The following PRKG1 variants were observed in gnomAD, a reference collection of about 807,000 sequenced individuals.
PRKG1 encodes cGMP-dependent protein kinase 1.
PRKG1 carries 35 observed loss-of-function variants against 88.1 expected under a neutral mutation model. The ratio of observed to expected loss-of-function variants is 0.40; its 90% CI spans 0.30 to 0.53. PRKG1 has a LOEUF of 0.53. Ranked by LOEUF, PRKG1 falls within the 20% of genes least tolerant of loss-of-function variation. PRKG1 has a pLI of 0.59. For synonymous variants in PRKG1, 303 were observed against 292.5 expected, an observed-to-expected ratio of 1.04 and a Z score of -0.37; for missense variants, 540 against 839.8, an observed-to-expected ratio of 0.64 and a Z score of 4.41.
At chr10:52,166,732 T>C (rs1403138871) in intron 9 of PRKG1, among the ~76,000 whole-genome samples, 3 of 147,222 alleles carry the variant, frequency 2.0e-5, no homozygotes, top group African/African-American at 7.4e-5. Context: ...GATGTCTTAA[T>C]TGCTGAATAC....
At chr10:52,249,692 G>A (rs989391110) in intron 9 of PRKG1, among the ~76,000 whole-genome samples, 2 of 152,082 alleles carry the variant, frequency 1.3e-5, no homozygotes, top group South Asian at 2.1e-4. Context: ...GCGTAGTGAC[G>A]CACACGTGTA....
intron 4 of PRKG1, among the ~76,000 whole-genome samples, chr10:51,812,106 G>A (rs1481052314): frequency 6.6e-6 from 1 of 152,104 alleles, no homozygotes; most frequent in African/African-American, 2.4e-5. Context: ...TTATAACTAG[G>A]CTCAAACACA....
At chr10:51,129,665 T>G (rs1254192777) in intron 1 of PRKG1, among the ~76,000 whole-genome samples, 1 of 151,174 alleles carries the variant, frequency 6.6e-6, no homozygotes, top group Non-Finnish European at 1.5e-5. Flanking sequence ...TGACACAAAC[T>G]AGAGATCTAC....
chr10:51,693,818 T>C (rs893246607), intron 3 of PRKG1, among the ~76,000 whole-genome samples: 5 of 152,168 alleles, frequency 3.3e-5, no homozygotes, highest in African/African-American at 1.2e-4. Flanking sequence ...TAATTGGTAA[T>C]ATGAATATTT....
In PRKG1 at chr10:51,147,218, A is replaced by G. The variant is rs370006887; in HGVS notation, c.312-5946A>G. Among the ~76,000 whole-genome samples, 4 of 152,286 alleles carry G rather than the reference A, an allele frequency of 2.6e-5. No homozygotes were observed. In the East Asian group the frequency reaches 7.7e-4, roughly 29 times the overall value. On this transcript the variant is annotated intron_variant, in intron 1 of 17. Transcript: ENST00000373980. ...TAAGAGGAATAAGTTCCAGTGTTCT[A>G]TAGCACTGAAGGATGAATATAGTTA... is the stretch of plus-strand genomic sequence containing the variant.
intron 2 of PRKG1, among the ~76,000 whole-genome samples, chr10:51,193,173 A>T (rs1837673120): frequency 6.6e-6 from 1 of 152,016 alleles, no homozygotes; most frequent in African/African-American, 2.4e-5. Context: ...ATGGTAGAGA[A>T]GGAAGTCATG....
rs185531686 is a variant in PRKG1, at chr10:50,999,925, A to G, written c.266+8281A>G. On this transcript the variant is annotated intron_variant, in intron 1 of 17. Coordinates refer to the PRKG1 transcript ENST00000401604. Reference sequence around the variant, plus strand: ...AAGTAAAAACCTCAGCTTACCATACATTTCTCTTCCCACATGCTACTTTTC... The same window carrying G: ...AAGTAAAAACCTCAGCTTACCATACGTTTCTCTTCCCACATGCTACTTTTC... Among the ~76,000 whole-genome samples, 210 of 152,332 alleles carry G rather than the reference A, an allele frequency of 1.4e-3. 1 individual carries two copies. Among genetic ancestry groups the G allele is most frequent in the Middle Eastern group, 3.4e-3 (1 of 294 alleles).
At chr10:51,400,401 A>T (rs185995834) in intron 2 of PRKG1, among the ~76,000 whole-genome samples, 1 of 152,318 alleles carries the variant, frequency 6.6e-6, no homozygotes, top group East Asian at 1.9e-4. Flanking sequence ...CCTAAATGGC[A>T]AGAAGGAGCC....
At chr10:51,672,893 G>A (rs1168667982) in intron 3 of PRKG1, among the ~76,000 whole-genome samples, 1 of 152,172 alleles carries the variant, frequency 6.6e-6, no homozygotes, top group African/African-American at 2.4e-5. Flanking sequence ...GATCTTATAA[G>A]TTTTCCTGTT....
At chr10:51,819,904 A>G (rs1839698274) in intron 4 of PRKG1, among the ~76,000 whole-genome samples, 1 of 152,204 alleles carries the variant, frequency 6.6e-6, no homozygotes, top group African/African-American at 2.4e-5. Context: ...GAAGTCAATG[A>G]TAAATTCATA....
At chr10:51,962,291 T>TA (rs1843466228) in intron 5 of PRKG1, among the ~76,000 whole-genome samples, 1 of 152,152 alleles carries the variant, frequency 6.6e-6, no homozygotes, top group Non-Finnish European at 1.5e-5. Context: ...GTGGGAACAC[T>TA]AGTCTTGCAG....
intron 2 of PRKG1, among the ~76,000 whole-genome samples, chr10:51,406,053 C>T (rs1018444450): frequency 6.6e-6 from 1 of 152,140 alleles, no homozygotes; most frequent in Admixed American, 6.5e-5. Flanking sequence ...TACCTCTCTG[C>T]CTTCCTCTCT....
At chr10:51,550,427 C>T (rs1048045740) in intron 3 of PRKG1, among the ~76,000 whole-genome samples, 5 of 151,686 alleles carry the variant, frequency 3.3e-5, no homozygotes, top group South Asian at 4.2e-4. Flanking sequence ...GTACAAATGA[C>T]GAAAGGAGAT....
At chr10:51,045,772 A>G (rs912451967) in intron 1 of PRKG1, among the ~76,000 whole-genome samples, 4 of 152,184 alleles carry the variant, frequency 2.6e-5, no homozygotes, top group African/African-American at 7.2e-5. Context: ...TAGCCTTTAT[A>G]ATTATAGCCA....
chr10:51,987,458 CTTTTTT>C (rs56252793), intron 5 of PRKG1, among the ~76,000 whole-genome samples: 1 of 139,216 alleles, frequency 7.2e-6, no homozygotes, highest in African/African-American at 2.6e-5. Flanking sequence ...CTACTCATTA[CTTTTTT>C]TTTTTTTTTT....
chr10:51,883,508 A>G (rs184918174), intron 4 of PRKG1, among the ~76,000 whole-genome samples: 9 of 152,356 alleles, frequency 5.9e-5, no homozygotes, highest in Admixed American at 3.3e-4. Context: ...ACTTCATTGC[A>G]GTATTGAGGT....
intron 3 of PRKG1, among the ~76,000 whole-genome samples, chr10:51,694,013 A>T: frequency 1.3e-5 from 2 of 152,294 alleles, no homozygotes; most frequent in South Asian, 4.1e-4. Flanking sequence ...ATTTATGGAT[A>T]CTTACAATAT....
In PRKG1 at chr10:52,043,268, C is replaced by T. The variant is rs183497155; in HGVS notation, c.763-11216C>T. Among the ~76,000 whole-genome samples the T allele has an allele frequency of 1.4e-4, 22 of 151,926 alleles. No homozygotes were observed. The South Asian group carries it at 3.9e-3, about 27-fold the overall frequency. ...ATGTATTGAAGTGATATCTGGACTT[C>T]GGTGTTTATTGCAGCACTATGAAAG... is the stretch of plus-strand genomic sequence containing the variant. On this transcript the variant is annotated intron_variant, in intron 5 of 17. Coordinates refer to ENST00000373980, the MANE Select transcript of PRKG1 (RefSeq NM_006258.4).
chr10:51,006,934 AG>A (rs1411947781), intron 1 of PRKG1, among the ~76,000 whole-genome samples: 1 of 113,272 alleles, frequency 8.8e-6, no homozygotes, highest in African/African-American at 3.6e-5. Context: ...GAAGGGCCTG[AG>A]ATTTTTTTTT....
Sources: gnomAD v4.1 joint callset for allele counts (sites outside exome capture counted in the v4.1 genomes callset) on GRCh38, gnomAD v4.1.1 for gene constraint, MANE v1.5 for transcripts, NCBI Gene and HGNC (gene_info 2026-07-23, HGNC 2026-07-21) for gene names.